SHB: variants seen among roughly 807,000 people sequenced by gnomAD.
The protein encoded by SHB is SH2 domain containing adaptor protein B.
SHB carries 20 observed loss-of-function variants against 52.3 expected under a neutral mutation model. The ratio of observed to expected loss-of-function variants is 0.38; its 90% CI spans 0.27 to 0.56. The LOEUF is 0.56. Among genes scored for constraint, SHB ranks in the 20% least tolerant of loss-of-function variants. The pLI, the probability that SHB is intolerant of heterozygous loss-of-function variation, is 0.71. For synonymous variants in SHB, 397 were observed against 316.5 expected, an observed-to-expected ratio of 1.25 and a Z score of -2.70; for missense variants, 825 against 723.3, an observed-to-expected ratio of 1.14 and a Z score of -1.61.
chr9:37,976,563 A>G (rs921165444), intron 2 of SHB, among the ~76,000 whole-genome samples: 1 of 152,168 alleles, frequency 6.6e-6, no homozygotes, highest in Non-Finnish European at 1.5e-5. Context: ...CATCCTGAAC[A>G]ATGTGGAATC....
intron 3 of SHB, among the ~76,000 whole-genome samples, chr9:37,958,512 G>A (rs1027944731): frequency 6.6e-6 from 1 of 152,214 alleles, no homozygotes; most frequent in African/African-American, 2.4e-5. Flanking sequence ...CGTGATGCCA[G>A]GGCTGGTGGT....
chr9:37,957,134 T>C (rs1432805735), intron 3 of SHB, among the ~76,000 whole-genome samples: 2 of 152,126 alleles, frequency 1.3e-5, no homozygotes, highest in African/African-American at 4.8e-5. Context: ...ACACAGAGGG[T>C]GCCTAAGAAA....
At chr9:37,985,418 C>T (rs1820792982) in intron 2 of SHB, among the ~76,000 whole-genome samples, 1 of 152,254 alleles carries the variant, frequency 6.6e-6, no homozygotes, top group African/African-American at 2.4e-5. Flanking sequence ...TGCCGTGCAG[C>T]TCTGCAATGA....
At chr9:37,948,199 TG>T (rs1832516229) in intron 5 of SHB, among the ~76,000 whole-genome samples, 1 of 152,186 alleles carries the variant, frequency 6.6e-6, no homozygotes, top group Admixed American at 6.5e-5. Flanking sequence ...AGTCATGGGC[TG>T]GTCACAAGTC....
At chr9:37,949,456 AG>A (rs1347772610) in intron 4 of SHB, among the ~76,000 whole-genome samples, 2 of 152,090 alleles carry the variant, frequency 1.3e-5, no homozygotes, top group African/African-American at 4.8e-5. Flanking sequence ...AGAAAAAAAA[AG>A]TGACATTTCA....
At chr9:37,935,617 G>GCT in intron 5 of SHB, among the ~76,000 whole-genome samples, 1 of 152,224 alleles carries the variant, frequency 6.6e-6, no homozygotes, top group Middle Eastern at 3.4e-3. Context: ...GACCACGATT[G>GCT]CATTTATGCC....
At chr9:38,056,392 C>A (rs1019513931) in intron 1 of SHB, among the ~76,000 whole-genome samples, 3 of 152,150 alleles carry the variant, frequency 2.0e-5, no homozygotes, top group Non-Finnish European at 4.4e-5. Flanking sequence ...AATACACTGG[C>A]GCAATCTCAG....
At chr9:37,993,455 T>C (rs1452493507) in intron 2 of SHB, among the ~76,000 whole-genome samples, 1 of 152,228 alleles carries the variant, frequency 6.6e-6, no homozygotes, top group Non-Finnish European at 1.5e-5. Flanking sequence ...ATATACCTAA[T>C]GTAAACGATG....
chr9:37,982,973 G>GCCGC (rs531905978), intron 2 of SHB, among the ~76,000 whole-genome samples: 1 of 145,206 alleles, frequency 6.9e-6, no homozygotes, highest in East Asian at 2.0e-4. Context: ...CCTCTCTGGT[G>GCCGC]CCCCCCCCTC....
intron 2 of SHB, among the ~76,000 whole-genome samples, chr9:38,006,200 T>A (rs1307768201): frequency 6.6e-6 from 1 of 152,104 alleles, no homozygotes; most frequent in Admixed American, 6.5e-5. Context: ...CCACCACACC[T>A]ACCCTGACTC....
At chr9:38,038,984 T>C (rs1821529864) in intron 1 of SHB, among the ~76,000 whole-genome samples, 1 of 152,190 alleles carries the variant, frequency 6.6e-6, no homozygotes, top group Admixed American at 6.5e-5. Flanking sequence ...TGAGACAGAC[T>C]GTCAGCCGTG....
At chr9:37,958,972 A>G (rs1000069051) in intron 3 of SHB, among the ~76,000 whole-genome samples, 1 of 152,170 alleles carries the variant, frequency 6.6e-6, no homozygotes, top group South Asian at 2.1e-4. Flanking sequence ...CTAGACAGAC[A>G]AATTGGGGCC....
Position 37,919,953 on chromosome 9 carries a change from G to A in SHB, c.1398C>T (p.Tyr466=), listed in dbSNP as rs371165511. Residue 466 remains tyrosine (Y), a synonymous_variant, in exon 6 of 6, where the codon TAC becomes TAT. Transcript: ENST00000377707. ...ACGGAGGGCTGTTCTGACCCAGAAC[G>A]TATTTCTCTTTGGTTTTGGCCAGTT... ...HMKLAKTKEK[Y]VLGQNSPPFD... 73 of 1,613,958 alleles carry A rather than the reference G, an allele frequency of 4.5e-5. No individual in the cohort carries two copies. Among genetic ancestry groups the A allele is most frequent in the African/African-American group, 8.0e-5 (6 of 74,914 alleles).
intron 2 of SHB, among the ~76,000 whole-genome samples, chr9:38,007,217 C>G (rs1458258277): frequency 1.3e-5 from 2 of 152,228 alleles, no homozygotes; most frequent in Non-Finnish European, 2.9e-5. Flanking sequence ...AAGCAAGTCA[C>G]AGCAGAATGG....
At chr9:37,932,294 A>AAC (rs1832321336) in intron 5 of SHB, among the ~76,000 whole-genome samples, 1 of 129,924 alleles carries the variant, frequency 7.7e-6, no homozygotes, top group Non-Finnish European at 1.7e-5. Flanking sequence ...AAAAAAAAAA[A>AAC]GAAAAGAAAA....
chr9:38,025,496 C>A (rs1465614387), intron 1 of SHB, among the ~76,000 whole-genome samples: 1 of 152,198 alleles, frequency 6.6e-6, no homozygotes, highest in Non-Finnish European at 1.5e-5. Context: ...CAGCCCTGGT[C>A]GCGAAGAGTA....
At chr9:38,047,582 C>T (rs1055071630) in intron 1 of SHB, among the ~76,000 whole-genome samples, 3 of 152,312 alleles carry the variant, frequency 2.0e-5, no homozygotes, top group Non-Finnish European at 4.4e-5. Flanking sequence ...TTCAGCAGGA[C>T]CACAATTATA....
In SHB at chr9:37,956,018, G is replaced by C. The variant is rs763093412; in HGVS notation, c.1091C>G (p.Pro364Arg). The change falls in exon 4 of 6, where the codon CCC (proline) becomes CGC (arginine). Residue 364 changes from proline (P) to arginine (R), a missense_variant. Coordinates refer to ENST00000377707, the MANE Select transcript of SHB (RefSeq NM_003028.3). Reference protein sequence around the residue: ...FNGNEKRQSSPSPSRDRRRQL... With the variant: ...FNGNEKRQSSRSPSRDRRRQL... ...GCGCCGCCGGTCCCGCGAAGGTGAG[G>C]GGGATGACTGCCGCTTCTCGTTGCC... The C allele has an allele frequency of 1.3e-6, 2 of 1,581,060 alleles. No individual in the cohort carries two copies. The highest frequency in any genetic ancestry group is 3.8e-5 in the Admixed American group (2 of 53,310).
chr9:38,067,139 C>T (rs1209164434), intron 1 of SHB, among the ~76,000 whole-genome samples: 1 of 152,100 alleles, frequency 6.6e-6, no homozygotes, highest in Non-Finnish European at 1.5e-5. Context: ...AGGAAGGGGG[C>T]TGTCACAAAG....
Sources: gnomAD v4.1 joint callset for allele counts (sites outside exome capture counted in the v4.1 genomes callset) on GRCh38, gnomAD v4.1.1 for gene constraint, MANE v1.5 for transcripts, NCBI Gene and HGNC (gene_info 2026-07-23, HGNC 2026-07-21) for gene names.